Variants in BLOC1S6 observed in about 807,000 individuals in gnomAD.
The protein encoded by BLOC1S6 is biogenesis of lysosomal organelles complex 1 subunit 6.
BLOC1S6 carries 24 observed loss-of-function variants against 24.7 expected under a neutral mutation model. The ratio of observed to expected loss-of-function variants is 0.97; its 90% CI spans 0.70 to 1.37. The LOEUF (loss-of-function observed/expected upper bound fraction) is 1.37. Ranked by LOEUF, BLOC1S6 falls within the 40% of genes most tolerant of loss-of-function variation. The pLI, the probability that BLOC1S6 is intolerant of heterozygous loss-of-function variation, is 0.00. For missense variants in BLOC1S6, 175 were observed against 196.2 expected (o/e 0.89, Z 0.64); for synonymous variants, 76 against 72.6 (o/e 1.05, Z -0.23).
At chr15:45,605,909 T>C (rs1024513190) in intron 4 of BLOC1S6, 4 of 270,424 alleles carry the variant, frequency 1.5e-5, no homozygotes, top group African/African-American at 4.5e-5. Context: ...ATTTTGACTT[T>C]TATACCCTCA....
chr15:45,603,240 TAA>T, intron 3 of BLOC1S6, 53 bp downstream of exon 3: 5 of 1,201,754 alleles, frequency 4.2e-6, no homozygotes, highest in Non-Finnish European at 5.9e-6. Context: ...TAGCAATAGC[TAA>T]GACTTAGCTA....
intron 4 of BLOC1S6, among the ~76,000 whole-genome samples, chr15:45,606,129 A>G (rs1047581765): frequency 2.0e-5 from 3 of 152,082 alleles, no homozygotes; most frequent in Admixed American, 1.3e-4. Flanking sequence ...TTTTTTTTCA[A>G]CTGCACTCTG....
chr15:45,590,548 C>T (rs1025926603), intron 1 of BLOC1S6, among the ~76,000 whole-genome samples: 1 of 151,808 alleles, frequency 6.6e-6, no homozygotes, highest in African/African-American at 2.4e-5. Flanking sequence ...GCTGAGCTTA[C>T]AGGCATACAA....
intron 1 of BLOC1S6, chr15:45,591,864 G>A (rs1231578366): frequency 2.4e-6 from 1 of 411,726 alleles, no homozygotes; most frequent in African/African-American, 2.0e-5. Flanking sequence ...AGTTTAAAAA[G>A]AAAAGAAGGA....
intron 1 of BLOC1S6, among the ~76,000 whole-genome samples, chr15:45,588,186 G>A (rs565585880): frequency 6.6e-6 from 1 of 152,192 alleles, no homozygotes. Flanking sequence ...TTTACCTCCT[G>A]TTTCAGAAAT....
chr15:45,593,734 A>G (rs544969211), intron 2 of BLOC1S6, among the ~76,000 whole-genome samples: 3 of 152,188 alleles, frequency 2.0e-5, no homozygotes, highest in South Asian at 2.1e-4. Flanking sequence ...CCCAGACAAC[A>G]ATGATTATTT....
rs1312019782 is a variant in BLOC1S6 at position 45,609,700 on chromosome 15, G to A, written c.*3186G>A. ...CTTTTTACACATTTAATAAAAAAAG[G>A]TCTCTGAATTATCTGATGTCATTTA... On this transcript the variant is annotated 3_prime_UTR_variant, in exon 5 of 5. Coordinates refer to ENST00000220531, the MANE Select transcript of BLOC1S6 (RefSeq NM_012388.4). 6.6e-6 allele frequency: 1 copy of A among 152,142 alleles called. No individual in the cohort carries two copies. Among genetic ancestry groups the A allele is most frequent in the Non-Finnish European group, 1.5e-5 (1 of 68,026 alleles). The allele number at this position is 152,142 out of a possible 1,614,324, so 9.4% of individuals were successfully genotyped here.
chr15:45,601,228 A>G (rs1226463897), intron 2 of BLOC1S6: 8 of 154,418 alleles, frequency 5.2e-5, no homozygotes, highest in African/African-American at 1.7e-4. Flanking sequence ...TCTTGTGATG[A>G]TATAGCACAG....
In BLOC1S6 at chr15:45,605,438, C is replaced by T. The variant is rs1392821379; in HGVS notation, c.323C>T (p.Ala108Val). ...TTTTTCCATGTTAAGTTTGCTGAGG[C>T]TAAACACTATCATGCCAAGTTGGTG... ...MLDINALFAE[A>V]KHYHAKLVNI... The change falls in exon 4 of 5, where the codon GCT becomes GTT. Residue 108 changes from alanine to valine, a missense_variant. Ala to Val is a moderately conservative substitution (Grantham distance 64). Transcript: ENST00000220531. 1 of 1,610,508 alleles carries T rather than the reference C, an allele frequency of 6.2e-7. No individual in the cohort carries two copies. Among genetic ancestry groups the T allele is most frequent in the Non-Finnish European group, 8.5e-7 (1 of 1,177,592 alleles).
intron 2 of BLOC1S6, chr15:45,597,837 A>G: frequency 3.0e-6 from 1 of 336,392 alleles, no homozygotes; most frequent in Non-Finnish European, 5.9e-6. Flanking sequence ...TTTCTTCTCA[A>G]TTTGTATACC....
Position 45,587,421 on chromosome 15 carries a change from CCT to C in BLOC1S6, c.-22_-21del. ...TGACGAGCCACACGTTTGCTTCTTC[CCT>C]GTGTTCCCAGCTGGAGGGACATGAG... On this transcript the variant is annotated 5_prime_UTR_variant, in exon 1 of 5. Transcript: ENST00000220531. The C allele has an allele frequency of 3.2e-6, 5 of 1,562,032 alleles. No homozygotes were observed. The South Asian group carries it at 4.7e-5, about 15-fold the overall frequency.
Position 45,603,080 on chromosome 15 carries a change from G to T in BLOC1S6, c.225-20G>T, listed in dbSNP as rs770245327. ...CTTTAAATATGTAGAGTTTGTCTTG[G>T]CTGTGTGTTTTTGTTTCAGACAGAA... On this transcript the variant is annotated intron_variant, in intron 2 of 4. Transcript: ENST00000220531. The T allele has an allele frequency of 1.3e-6, 2 of 1,539,434 alleles. No homozygotes were observed. The highest frequency in any genetic ancestry group is 1.1e-5 in the South Asian group (1 of 89,280).
At chr15:45,588,352 A>T (rs1443272576) in intron 1 of BLOC1S6, among the ~76,000 whole-genome samples, 4 of 152,122 alleles carry the variant, frequency 2.6e-5, no homozygotes, top group Non-Finnish European at 5.9e-5. Context: ...TTACTTCTCC[A>T]TCTGCTAGCT....
chr15:45,597,754 C>T (rs1326060570), intron 2 of BLOC1S6: 1 of 192,702 alleles, frequency 5.2e-6, no homozygotes, highest in African/African-American at 2.4e-5. Context: ...CTATTAGTTT[C>T]AGGAGGTTTC....
Position 45,607,751 on chromosome 15 carries a change from T to A in BLOC1S6, c.*1237T>A, listed in dbSNP as rs1288852545. The A allele has an allele frequency of 2.0e-5, 3 of 152,046 alleles. No homozygotes were observed. The highest frequency in any genetic ancestry group is 7.3e-5 in the African/African-American group (3 of 41,372). 9.4% of individuals were successfully genotyped at this position (152,046 alleles called of 1,614,324 possible). On this transcript the variant is annotated 3_prime_UTR_variant, in exon 5 of 5. Transcript: ENST00000220531. ...TCGTGCCACTGCACTCCAGCCTTGGTGACAGAGCAAGACTCCGTCTCCAAA... is the reference window on the plus strand; with the variant it reads ...TCGTGCCACTGCACTCCAGCCTTGGAGACAGAGCAAGACTCCGTCTCCAAA...
upstream of BLOC1S6, chr15:45,587,292 A>G: frequency 4.0e-6 from 3 of 746,200 alleles, no homozygotes; most frequent in Middle Eastern, 2.8e-4. Flanking sequence ...CCAACTCTCG[A>G]GCGCGTGATC....
Position 45,606,709 on chromosome 15 carries a change from G to T in BLOC1S6, c.*195G>T. 1.6e-6 allele frequency: 1 copy of T among 640,262 alleles called. No homozygotes were observed. The highest frequency in any genetic ancestry group is 2.5e-6 in the Non-Finnish European group (1 of 399,456). The allele number at this position is 640,262 out of a possible 1,614,324, so 39.7% of individuals were successfully genotyped here. The stretch of plus-strand genomic sequence containing the variant: ...CATGGTTTTTGATATTTATATGTAA[G>T]TTTTTCAAATTTTGCTTAATTTTAA... On this transcript the variant is annotated 3_prime_UTR_variant, in exon 5 of 5. Coordinates refer to ENST00000220531, the MANE Select transcript of BLOC1S6 (RefSeq NM_012388.4).
In BLOC1S6 at chr15:45,605,577, T is replaced by G. The variant is rs912912096; in HGVS notation, c.399+63T>G. The G allele has an allele frequency of 1.3e-5, 17 of 1,311,320 alleles. No individual in the cohort carries two copies. The African/African-American group carries it at 1.8e-4, about 14-fold the overall frequency. The allele number at this position is 1,311,320 out of a possible 1,614,324, so 81.2% of individuals were successfully genotyped here. A position where few individuals can be genotyped will look rare whatever the true frequency, so the allele number is the denominator to read the frequency against. On this transcript the variant is annotated intron_variant, in intron 4 of 4. Coordinates refer to ENST00000220531, the MANE Select transcript of BLOC1S6 (RefSeq NM_012388.4). ...GAGGTTTAATTGTTTTTTGTTGTTT[T>G]TTTTTTTTTTCAGTATTCTTTTTTT...
intron 1 of BLOC1S6, among the ~76,000 whole-genome samples, chr15:45,590,645 T>G (rs1893851538): frequency 6.6e-6 from 1 of 152,162 alleles, no homozygotes; most frequent in African/African-American, 2.4e-5. Context: ...TGACCTCAAG[T>G]GATCCGCCCA....
Sources: allele counts gnomAD v4.1 joint callset (sites outside exome capture counted in the v4.1 genomes callset), GRCh38; gene constraint gnomAD v4.1.1; transcripts MANE v1.5; gene names NCBI Gene and HGNC (gene_info 2026-07-23, HGNC 2026-07-21).